The following ZNF532 variants were observed in gnomAD, a reference collection of about 807,000 sequenced individuals.
ZNF532 encodes zinc finger protein 532.
In ZNF532, 22 loss-of-function variants were observed where a neutral mutation model predicts 89.3. The observed-to-expected ratio is 0.25, with a 90% CI of 0.18 to 0.35. ZNF532 has a LOEUF of 0.35. ZNF532 is among the 10% of genes least tolerant of loss of function. ZNF532 has a pLI of 1.00. For missense variants in ZNF532, 1,132 were observed against 1,643.4 expected, an observed-to-expected ratio of 0.69 and a Z score of 5.38; for synonymous variants, 606 against 649.6, an observed-to-expected ratio of 0.93 and a Z score of 1.02.
At chr18:58,950,159 G>A (rs2064023027) in intron 6 of ZNF532, among the ~76,000 whole-genome samples, 1 of 152,084 alleles carries the variant, frequency 6.6e-6, no homozygotes, top group South Asian at 2.1e-4. Flanking sequence ...GGCTTTTAAG[G>A]TATTTGGTTT....
intron 2 of ZNF532, among the ~76,000 whole-genome samples, chr18:58,906,352 T>G (rs955101198): frequency 3.3e-5 from 5 of 152,220 alleles, no homozygotes; most frequent in Non-Finnish European, 7.3e-5. Context: ...CACTACTTTA[T>G]TTTGTTGCTC....
In ZNF532 at chr18:58,986,309, G is replaced by A. The variant is rs899730753; in HGVS notation, c.*1843G>A. On this transcript the variant is annotated 3_prime_UTR_variant, in exon 10 of 10. Coordinates refer to ENST00000591808, the MANE Select transcript of ZNF532 (RefSeq NM_001375912.1). ...CGAATAACCTAGTTTTACAGTTGAG[G>A]GAGCTGAGCTCAGATTCAGTTCTTT... 1 of 152,614 alleles carries A rather than the reference G, an allele frequency of 6.6e-6. No homozygotes were observed. The highest frequency in any genetic ancestry group is 2.4e-5 in the African/African-American group (1 of 41,434). 9.5% of individuals were successfully genotyped at this position (152,614 alleles called of 1,614,324 possible). A position where few individuals can be genotyped will look rare whatever the true frequency, so the allele number is the denominator to read the frequency against.
At chr18:58,906,785 T>G (rs1397076551) in intron 2 of ZNF532, among the ~76,000 whole-genome samples, 4 of 152,238 alleles carry the variant, frequency 2.6e-5, no homozygotes, top group Non-Finnish European at 4.4e-5. Flanking sequence ...ATTGGCTGCT[T>G]CTTTATGTGA....
intron 2 of ZNF532, among the ~76,000 whole-genome samples, chr18:58,878,827 C>T (rs957392141): frequency 3.3e-5 from 5 of 152,350 alleles, no homozygotes; most frequent in East Asian, 3.9e-4. Context: ...AGAACTCAAG[C>T]GTCATCTTGC....
At chr18:58,875,450 T>C (rs918144024) in intron 2 of ZNF532, among the ~76,000 whole-genome samples, 3 of 152,244 alleles carry the variant, frequency 2.0e-5, no homozygotes. Flanking sequence ...ATTTTTCTGG[T>C]GCCCTGCAGT....
Position 58,959,260 on chromosome 18 carries a change from G to GTTTTTTTTT in ZNF532, c.3150+5462_3150+5470dup, listed in dbSNP as rs1459830009. Among the ~76,000 whole-genome samples, 9 of 128,742 alleles carry GTTTTTTTTT rather than the reference G, an allele frequency of 7.0e-5. 1 individual carries two copies. Among genetic ancestry groups the GTTTTTTTTT allele is most frequent in the African/African-American group, 2.6e-4 (8 of 30,472 alleles). 84.5% of individuals were successfully genotyped at this position (128,742 alleles called of 152,430 possible). A position where few individuals can be genotyped will look rare whatever the true frequency, so the allele number is the denominator to read the frequency against. On this transcript the variant is annotated intron_variant, in intron 7 of 9. Coordinates refer to ENST00000591808, the MANE Select transcript of ZNF532 (RefSeq NM_001375912.1). ...AGATCTTTTCAGTTTTTTGTTTTTT[G>GTTTTTTTTT]TTTTTTTTTGTTTTTTTTTGGTTTT...
intron 7 of ZNF532, among the ~76,000 whole-genome samples, chr18:58,976,795 C>T (rs149942836): frequency 2.2e-3 from 342 of 152,204 alleles, no homozygotes; most frequent in Middle Eastern, 0.01. Flanking sequence ...GGATTACAGG[C>T]GTGAGCCACT....
intron 2 of ZNF532, among the ~76,000 whole-genome samples, chr18:58,877,906 A>G (rs1221973640): frequency 1.3e-5 from 2 of 151,800 alleles, no homozygotes; most frequent in African/African-American, 2.4e-5. Flanking sequence ...GAATGTAGCT[A>G]GGGCAGAATG....
At chr18:58,951,023 A>G (rs2064110473) in intron 6 of ZNF532, among the ~76,000 whole-genome samples, 2 of 151,748 alleles carry the variant, frequency 1.3e-5, no homozygotes, top group Admixed American at 6.6e-5. Flanking sequence ...GTGGCATATC[A>G]GGGCTCAAGG....
rs766463448 is a variant in ZNF532 at position 58,948,123 on chromosome 18, A to G, written c.2762A>G (p.Tyr921Cys). Residue 921 changes from tyrosine to cysteine, a missense_variant, in exon 6 of 10, where the codon TAT becomes TGT. By Grantham distance (194) the Tyr-to-Cys change is radical. Around this residue, in one of 9 missense-constraint regions of ZNF532, gnomAD observed 415 missense variants for 604.8 expected, o/e 0.69. Coordinates refer to ENST00000591808, the MANE Select transcript of ZNF532 (RefSeq NM_001375912.1). ...DTVFTLQTLL[Y>C]RHFDQHIENQ... is the part of the protein sequence containing the mutation. ...GTGTTCACCCTGCAAACCTTGCTGTATCGCCACTTTGACCAACACATTGAA... is the reference window on the plus strand; with the variant it reads ...GTGTTCACCCTGCAAACCTTGCTGTGTCGCCACTTTGACCAACACATTGAA... The G allele has an allele frequency of 6.2e-7, 1 of 1,613,942 alleles. No homozygotes were observed. Among genetic ancestry groups the G allele is most frequent in the East Asian group, 2.2e-5 (1 of 44,888 alleles).
chr18:58,958,389 C>T (rs1274326014), intron 7 of ZNF532, among the ~76,000 whole-genome samples: 1 of 152,178 alleles, frequency 6.6e-6, no homozygotes, highest in African/African-American at 2.4e-5. Flanking sequence ...ATTCTATATA[C>T]AGAAAGCAGT....
intron 7 of ZNF532, among the ~76,000 whole-genome samples, chr18:58,975,529 T>C (rs1168685488): frequency 1.3e-5 from 2 of 152,134 alleles, no homozygotes; most frequent in Admixed American, 6.5e-5. Flanking sequence ...CACCAAGTGC[T>C]CTCCGGGAAG....
chr18:58,870,588 C>T (rs1223612201), intron 2 of ZNF532, among the ~76,000 whole-genome samples: 1 of 152,056 alleles, frequency 6.6e-6, no homozygotes, highest in Non-Finnish European at 1.5e-5. Context: ...ACGGACCTTT[C>T]GTTACAAAGG....
intron 7 of ZNF532, among the ~76,000 whole-genome samples, chr18:58,963,117 C>T (rs1006524669): frequency 3.3e-5 from 5 of 152,152 alleles, no homozygotes; most frequent in African/African-American, 1.2e-4. Context: ...CTCCACCCAA[C>T]GTTCACTCTT....
intron 2 of ZNF532, among the ~76,000 whole-genome samples, chr18:58,907,343 G>A (rs577612357): frequency 2.0e-5 from 3 of 152,134 alleles, no homozygotes; most frequent in Non-Finnish European, 2.9e-5. Context: ...GTGCCACCAC[G>A]CCTGGCTAAT....
intron 2 of ZNF532, among the ~76,000 whole-genome samples, chr18:58,906,534 G>A (rs1475456293): frequency 6.6e-6 from 1 of 152,062 alleles, no homozygotes; most frequent in Non-Finnish European, 1.5e-5. Flanking sequence ...TCATTTCTCC[G>A]AGGAGCCCTG....
chr18:58,936,700 G>A (rs2062502664), intron 4 of ZNF532, among the ~76,000 whole-genome samples: 1 of 152,172 alleles, frequency 6.6e-6, no homozygotes. Flanking sequence ...GGTAAACAAC[G>A]ATGTGTTGTG....
chr18:58,894,524 A>G (rs1166903490), intron 2 of ZNF532, among the ~76,000 whole-genome samples: 2 of 152,072 alleles, frequency 1.3e-5, no homozygotes, highest in Non-Finnish European at 2.9e-5. Context: ...AGTTTAAATA[A>G]TGGAATAAGT....
chr18:58,963,631 GTGTGTGTGTGTGTGTA>G (rs1381772457), intron 7 of ZNF532, among the ~76,000 whole-genome samples: 4 of 147,528 alleles, frequency 2.7e-5, no homozygotes, highest in Non-Finnish European at 5.9e-5. Flanking sequence ...GTGTGTGTGT[GTGTGTGTGTGTGTGTA>G]TGTATATAAA....
Sources: gnomAD v4.1 joint callset for allele counts (sites outside exome capture counted in the v4.1 genomes callset) on GRCh38, gnomAD v4.1.1 for gene constraint, gnomAD v4.1.1 regional missense constraint, MANE v1.5 for transcripts, NCBI Gene and HGNC (gene_info 2026-07-23, HGNC 2026-07-21) for gene names.